The following FHOD3 variants were observed in gnomAD, a reference collection of about 807,000 sequenced individuals.
FHOD3 encodes formin homology 2 domain containing 3, also known as FH1/FH2 domain-containing protein 3.
Under a neutral mutation model 173.0 loss-of-function variants are expected in FHOD3, and 90 were observed. The ratio of observed to expected loss-of-function variants is 0.52; its 90% CI spans 0.44 to 0.62. FHOD3 has a LOEUF of 0.62. Among genes scored for constraint, FHOD3 ranks in the 20% least tolerant of loss-of-function variants. The pLI is 0.00. For synonymous variants in FHOD3, 828 were observed against 823.0 expected (o/e 1.01, Z -0.10); for missense variants, 1,945 against 2,034.7 (o/e 0.96, Z 0.85).
intron 3 of FHOD3, among the ~76,000 whole-genome samples, chr18:36,424,083 A>G (rs1485522653): frequency 6.6e-6 from 1 of 152,098 alleles, no homozygotes; most frequent in East Asian, 1.9e-4. Context: ...CACACACCTA[A>G]AGCATCTCCC....
intron 16 of FHOD3, among the ~76,000 whole-genome samples, chr18:36,691,830 G>A (rs628129): frequency 0.66 from 100,621 of 151,604 alleles, 33,504 homozygotes; most frequent in African/African-American, 0.7. Flanking sequence ...CCATCAGCCT[G>A]CAAATGCAAG....
intron 7 of FHOD3, among the ~76,000 whole-genome samples, chr18:36,601,128 G>T (rs202091621): frequency 6.6e-6 from 1 of 152,310 alleles, no homozygotes; most frequent in East Asian, 1.9e-4. Context: ...GTAGTTTGAT[G>T]ATCAATATCA....
At chr18:36,743,641 C>T (rs1358173702) in intron 22 of FHOD3, among the ~76,000 whole-genome samples, 1 of 152,160 alleles carries the variant, frequency 6.6e-6, no homozygotes, top group African/African-American at 2.4e-5. Flanking sequence ...AACCCATCAC[C>T]TAGGTATTAA....
At position 36,346,226 on chromosome 18, in the gene FHOD3, C is replaced by T. The variant is rs771552222; in HGVS notation, c.166-9313C>T. 9.2e-5 allele frequency among the ~76,000 whole-genome samples: 14 copies of T among 152,178 alleles called. No individual in the cohort carries two copies. The East Asian group carries it at 1.2e-3, about 13-fold the overall frequency. On this transcript the variant is annotated intron_variant, in intron 1 of 28. Transcript: ENST00000590592. ...ACTAAAAGTTAAAAAATTAGCCAGA[C>T]GTGGTAACGCACACCTGCAGTCCCA...
intron 8 of FHOD3, among the ~76,000 whole-genome samples, chr18:36,603,536 C>T (rs1444328372): frequency 6.6e-6 from 1 of 151,862 alleles, no homozygotes; most frequent in African/African-American, 2.4e-5. Flanking sequence ...CAGAGTCTCA[C>T]TCTGTTGCCC....
chr18:36,750,791 C>G (rs899994862), intron 24 of FHOD3, among the ~76,000 whole-genome samples: 7 of 152,166 alleles, frequency 4.6e-5, no homozygotes, highest in African/African-American at 1.7e-4. Context: ...ATCAGATGGT[C>G]ATAGGTGTGT....
chr18:36,645,984 T>C (rs2035655124), intron 10 of FHOD3, among the ~76,000 whole-genome samples: 1 of 152,172 alleles, frequency 6.6e-6, no homozygotes, highest in Non-Finnish European at 1.5e-5. Context: ...TGACAAACCT[T>C]ATACTTTTCC....
chr18:36,614,341 T>G (rs975141594), intron 9 of FHOD3, among the ~76,000 whole-genome samples: 15 of 152,352 alleles, frequency 9.8e-5, no homozygotes, highest in Admixed American at 8.5e-4. Flanking sequence ...TTGTTCATAG[T>G]TGTGCTGACA....
At chr18:36,649,482 G>A in intron 11 of FHOD3, 77 bp downstream of exon 11, 3 of 1,128,078 alleles carry the variant, frequency 2.7e-6, no homozygotes, top group Non-Finnish European at 3.8e-6. Context: ...CTGCCTTCTA[G>A]TGGCCACCTC....
intron 26 of FHOD3, 54 bp downstream of exon 26, chr18:36,759,195 T>C: frequency 2.0e-6 from 3 of 1,500,524 alleles, no homozygotes; most frequent in Non-Finnish European, 2.7e-6. Flanking sequence ...TCATGTATGC[T>C]CTGGTCTAAC....
chr18:36,395,546 TC>T, intron 3 of FHOD3, among the ~76,000 whole-genome samples: 1 of 152,320 alleles, frequency 6.6e-6, no homozygotes, highest in South Asian at 2.1e-4. Context: ...TTCTTTTTTT[TC>T]ATAATAATTC....
At position 36,576,564 on chromosome 18, in the gene FHOD3, T is replaced by G. The variant is rs1287514027; in HGVS notation, c.606+19T>G. 1 of 1,585,472 alleles carries G rather than the reference T, an allele frequency of 6.3e-7. No individual in the cohort carries two copies. The highest frequency in any genetic ancestry group is 1.3e-5 in the African/African-American group (1 of 74,142). On this transcript the variant is annotated intron_variant, in intron 6 of 28. Coordinates refer to ENST00000590592, the MANE Select transcript of FHOD3 (RefSeq NM_001281740.3). ...GTCAAAGGTAAGGGGAAGTTATGGT[T>G]GACTGTTTTGTTCACTTGTCATATC...
At chr18:36,595,971 A>G (rs961055828) in intron 7 of FHOD3, among the ~76,000 whole-genome samples, 1 of 152,184 alleles carries the variant, frequency 6.6e-6, no homozygotes. Flanking sequence ...AGACAATAAA[A>G]ATTCACCTCT....
chr18:36,337,227 A>G (rs1457305343), intron 1 of FHOD3, among the ~76,000 whole-genome samples: 2 of 152,046 alleles, frequency 1.3e-5, no homozygotes, highest in African/African-American at 4.8e-5. Context: ...CTCCAGACTC[A>G]CAAATGAGCT....
intron 3 of FHOD3, among the ~76,000 whole-genome samples, chr18:36,494,494 G>A (rs1330588821): frequency 1.3e-5 from 2 of 152,214 alleles, no homozygotes; most frequent in Admixed American, 1.3e-4. Context: ...CTACCCAAAT[G>A]AGTATACCCC....
At chr18:36,503,884 T>G (rs186082063) in intron 4 of FHOD3, among the ~76,000 whole-genome samples, 5 of 152,296 alleles carry the variant, frequency 3.3e-5, no homozygotes, top group African/African-American at 1.2e-4. Flanking sequence ...ACTCCAAAAG[T>G]AAGGCATGCC....
Position 36,780,014 on chromosome 18 carries a change from G to A in FHOD3, c.*484G>A, listed in dbSNP as rs183400182. On this transcript the variant is annotated 3_prime_UTR_variant, in exon 29 of 29. Transcript: ENST00000590592. ...CAAATGTTTATACAAATACATACAT[G>A]TACACCATGTTTCAAATACTAAATA... is the stretch of plus-strand genomic sequence containing the variant. 3.4e-6 allele frequency: 2 copies of A among 593,528 alleles called. No homozygotes were observed. Among genetic ancestry groups the A allele is most frequent in the African/African-American group, 1.9e-5 (1 of 52,218 alleles). The allele number at this position is 593,528 out of a possible 1,614,324, so 36.8% of individuals were successfully genotyped here. A position where few individuals can be genotyped will look rare whatever the true frequency, so the allele number is the denominator to read the frequency against.
At chr18:36,421,023 C>T (rs1043542035) in intron 3 of FHOD3, among the ~76,000 whole-genome samples, 2 of 152,160 alleles carry the variant, frequency 1.3e-5, no homozygotes, top group Non-Finnish European at 2.9e-5. Context: ...CATGACTCAG[C>T]CAAAGTCTGG....
chr18:36,353,930 GTCTCC>G (rs2046246424), intron 1 of FHOD3, among the ~76,000 whole-genome samples: 1 of 143,678 alleles, frequency 7.0e-6, no homozygotes, highest in Non-Finnish European at 1.5e-5. Flanking sequence ...AGGTTTCAAG[GTCTCC>G]TCTGGCTCCT....
Sources: allele counts gnomAD v4.1 joint callset (sites outside exome capture counted in the v4.1 genomes callset), GRCh38; gene constraint gnomAD v4.1.1; transcripts MANE v1.5; gene names NCBI Gene and HGNC (gene_info 2026-07-23, HGNC 2026-07-21).